Variants in MS4A3 observed in about 807,000 individuals in gnomAD.
The protein encoded by MS4A3 is membrane spanning 4-domains A3.
A neutral mutation model predicts 24.7 loss-of-function variants in MS4A3; 18 were observed. The ratio of observed to expected loss-of-function variants is 0.73; its 90% CI spans 0.50 to 1.08. The LOEUF is 1.08. Ranked by LOEUF, MS4A3 falls within the 50% of genes least tolerant of loss-of-function variation. The pLI, the probability that MS4A3 is intolerant of heterozygous loss-of-function variation, is 0.00. For missense variants in MS4A3, 282 were observed against 251.7 expected, an observed-to-expected ratio of 1.12 and a Z score of -0.82; for synonymous variants, 84 against 95.3, an observed-to-expected ratio of 0.88 and a Z score of 0.69.
chr11:60,064,315 A>G lies in MS4A3; in HGVS notation c.348A>G (p.Thr116=). 3 of 1,600,332 alleles carry G rather than the reference A, an allele frequency of 1.9e-6. No individual in the cohort carries two copies. Among genetic ancestry groups the G allele is most frequent in the Non-Finnish European group, 2.6e-6 (3 of 1,172,624 alleles). ...SVVAGIKPTR[T]WIQNSFGMNI... is the part of the protein sequence containing the mutation. ...TAGCAGGGATAAAACCCACAAGAACATGGGTAAGTAGCACTTCCTCTTTTT... is the reference window on the plus strand; with the variant it reads ...TAGCAGGGATAAAACCCACAAGAACGTGGGTAAGTAGCACTTCCTCTTTTT... Residue 116 remains threonine (T), a synonymous_variant, in exon 4 of 7, where the codon ACA becomes ACG. Coordinates refer to ENST00000278865, the MANE Select transcript of MS4A3 (RefSeq NM_006138.5).
In MS4A3 at chr11:60,070,205, A is replaced by T. The variant is rs933193268; in HGVS notation, c.617A>T (p.Glu206Val). The stretch of plus-strand genomic sequence containing the variant: ...CATTAATGTTGTTTTATTTTCTAGG[A>T]AATTTCCTCACCTCCCAATTCTGTG... ...CNANCCNSRE[E>V]ISSPPNSV The change falls in exon 7 of 7, where the codon GAA (glutamate) becomes GTA (valine). Residue 206 changes from glutamate to valine, a missense_variant and splice_region_variant. By Grantham distance (121) the Glu-to-Val change is moderately radical. Transcript: ENST00000278865. The T allele has an allele frequency of 3.9e-5, 62 of 1,601,526 alleles. No individual in the cohort carries two copies. Among genetic ancestry groups the T allele is most frequent in the Non-Finnish European group, 4.6e-5 (54 of 1,169,572 alleles).
Position 60,057,259 on chromosome 11 carries a change from A to C in MS4A3, c.-16+519A>C, listed in dbSNP as rs183302513. Among the ~76,000 whole-genome samples, 3 of 152,306 alleles carry C rather than the reference A, an allele frequency of 2.0e-5. No individual in the cohort carries two copies. The East Asian group carries it at 5.8e-4, about 29-fold the overall frequency. Reference sequence around the variant, plus strand: ...AGATGGAAAGGATCATAGCAGTAGTACCCATTCATCTGATGTTGTGAGAAC... The same window carrying C: ...AGATGGAAAGGATCATAGCAGTAGTCCCCATTCATCTGATGTTGTGAGAAC... On this transcript the variant is annotated intron_variant, in intron 1 of 6. Coordinates refer to ENST00000278865, the MANE Select transcript of MS4A3 (RefSeq NM_006138.5).
chr11:60,059,404 G>C (rs1313446801), intron 1 of MS4A3, among the ~76,000 whole-genome samples: 2 of 152,016 alleles, frequency 1.3e-5, no homozygotes, highest in Non-Finnish European at 2.9e-5. Context: ...TCAATAAAAA[G>C]CTTTTATTTT....
chr11:60,061,719 A>C (rs1855278916), intron 2 of MS4A3, among the ~76,000 whole-genome samples: 1 of 152,332 alleles, frequency 6.6e-6, no homozygotes, highest in East Asian at 1.9e-4. Context: ...TTGGGAAGTC[A>C]TAAGTTTTAC....
At chr11:60,061,010 C>T (rs377362743) in intron 1 of MS4A3, 136 bp from the exon 2 acceptor site, 1 of 674,846 alleles carries the variant, frequency 1.5e-6, no homozygotes, top group South Asian at 2.7e-5. Flanking sequence ...AACTCTGTTA[C>T]TCTGCCCTGG....
At chr11:60,067,249 G>C in intron 5 of MS4A3, 137 bp downstream of exon 5, 3 of 731,012 alleles carry the variant, frequency 4.1e-6, no homozygotes, top group East Asian at 6.4e-5. Context: ...GTCTCGCTCT[G>C]TCGCCCAGGC....
At chr11:60,061,499 C>G (rs773872296) in intron 2 of MS4A3, 183 bp downstream of exon 2, 7 of 717,742 alleles carry the variant, frequency 9.8e-6, no homozygotes, top group African/African-American at 1.8e-5. Flanking sequence ...GTCTATTCAA[C>G]GTGAAGAGGA....
chr11:60,066,535 T>C (rs1855363750), intron 4 of MS4A3, among the ~76,000 whole-genome samples: 1 of 152,018 alleles, frequency 6.6e-6, no homozygotes, highest in Admixed American at 6.6e-5. Context: ...GGATTTTGAG[T>C]GTTTCCCTAA....
chr11:60,068,488 G>T (rs1855413369), intron 5 of MS4A3, among the ~76,000 whole-genome samples: 1 of 149,032 alleles, frequency 6.7e-6, no homozygotes, highest in African/African-American at 2.5e-5. Flanking sequence ...TCCTGACCTC[G>T]TGATCCGCCC....
At chr11:60,062,770 T>C (rs1411849058) in intron 3 of MS4A3, 165 bp downstream of exon 3, 1 of 495,132 alleles carries the variant, frequency 2.0e-6, no homozygotes, top group Non-Finnish European at 3.2e-6. Flanking sequence ...CTCTTTTTTA[T>C]TTTTTAATTT....
rs1389811063 is a variant in MS4A3, at chr11:60,069,012, C to T, written c.514-562C>T. Among the ~76,000 whole-genome samples the T allele has an allele frequency of 3.9e-5, 6 of 152,020 alleles. No homozygotes were observed. In the East Asian group the frequency reaches 7.7e-4, roughly 20 times the overall value. ...TTTAATGATCTAAATTTATATTTGT[C>T]GGAGCCTGATTTTTCTGTGAATTTG... On this transcript the variant is annotated intron_variant, in intron 5 of 6. Coordinates refer to ENST00000278865, the MANE Select transcript of MS4A3 (RefSeq NM_006138.5).
chr11:60,057,895 G>C (rs895669450), intron 1 of MS4A3, among the ~76,000 whole-genome samples: 1 of 152,178 alleles, frequency 6.6e-6, no homozygotes, highest in Admixed American at 6.5e-5. Flanking sequence ...AGAGGCTCCA[G>C]TGCTTGCAGA....
intron 3 of MS4A3, among the ~76,000 whole-genome samples, 156 bp from the exon 4 acceptor site, chr11:60,064,106 G>A (rs371667629): frequency 8.0e-6 from 1 of 124,746 alleles, no homozygotes; most frequent in Admixed American, 8.1e-5. Flanking sequence ...TAAATAAAGT[G>A]AGCAGCATCA....
At chr11:60,067,377 C>G (rs761642520) in intron 5 of MS4A3, among the ~76,000 whole-genome samples, 1 of 151,952 alleles carries the variant, frequency 6.6e-6, no homozygotes, top group African/African-American at 2.4e-5. Context: ...CCATGCCCAG[C>G]TAATTTTTTG....
chr11:60,063,285 T>C (rs1470372065), intron 3 of MS4A3, among the ~76,000 whole-genome samples: 1 of 152,228 alleles, frequency 6.6e-6, no homozygotes. Flanking sequence ...ATTTGTCTGC[T>C]GATTACTGTC....
At chr11:60,070,038 C>T (rs907425644) in intron 6 of MS4A3, among the ~76,000 whole-genome samples, 166 bp from the exon 7 acceptor site, 31 of 152,094 alleles carry the variant, frequency 2.0e-4, no homozygotes, top group African/African-American at 6.8e-4. Flanking sequence ...TCATTCTCTT[C>T]TAATGTTTGT....
At chr11:60,069,743 T>C (rs957662909) in intron 6 of MS4A3, 68 bp downstream of exon 6, 6 of 1,165,258 alleles carry the variant, frequency 5.1e-6, no homozygotes, top group Admixed American at 1.7e-5. Flanking sequence ...TGAAGTTGTT[T>C]CTGATGCTTA....
chr11:60,057,450 G>T (rs11825794), intron 1 of MS4A3, among the ~76,000 whole-genome samples: 39,336 of 151,914 alleles, frequency 0.26, 6,101 homozygotes, highest in East Asian at 0.44. Context: ...TGTCACCCAG[G>T]CTGGAGTGCA....
intron 4 of MS4A3, 79 bp from the exon 5 acceptor site, chr11:60,066,872 T>G: frequency 8.9e-7 from 1 of 1,121,002 alleles, no homozygotes; most frequent in South Asian, 1.8e-5. Context: ...ATTCAATCAA[T>G]GTTTGTTTCA....
Sources: allele counts gnomAD v4.1 joint callset (sites outside exome capture counted in the v4.1 genomes callset), GRCh38; gene constraint gnomAD v4.1.1; transcripts MANE v1.5; gene names NCBI Gene and HGNC (gene_info 2026-07-23, HGNC 2026-07-21).